XNDC1N: variants seen among roughly 807,000 people sequenced by gnomAD.
XNDC1N encodes protein XNDC1N.
At chr11:71,909,760 G>T in the XNDC1N span, among the ~76,000 whole-genome samples, 1 of 152,148 alleles carries the variant, frequency 6.6e-6, no homozygotes, top group East Asian at 1.9e-4. Context: ...AGGACATAAA[G>T]TCATTCATCA....
chr11:71,886,551 G>A, the XNDC1N span, among the ~76,000 whole-genome samples: 375 of 152,190 alleles, frequency 2.5e-3, 4 homozygotes, highest in African/African-American at 8.6e-3. Context: ...GGACATTCAG[G>A]GTAAAGAAGA....
chr11:71,910,577 G>T, the XNDC1N span, among the ~76,000 whole-genome samples: 1 of 152,198 alleles, frequency 6.6e-6, no homozygotes, highest in Non-Finnish European at 1.5e-5. Context: ...CGGCATTCGG[G>T]TGTGCCAAGG....
At chr11:71,868,296 T>C in the XNDC1N span, among the ~76,000 whole-genome samples, 1 of 152,244 alleles carries the variant, frequency 6.6e-6, no homozygotes, top group South Asian at 2.1e-4. Context: ...AGGTTAATAT[T>C]GCTATGTGTG....
At chr11:71,879,464 T>A in the XNDC1N span, among the ~76,000 whole-genome samples, 1 of 152,242 alleles carries the variant, frequency 6.6e-6, no homozygotes, top group Non-Finnish European at 1.5e-5. Flanking sequence ...CTGGTTGACT[T>A]ATTGATCATT....
chr11:71,915,213 C>T, the XNDC1N span, among the ~76,000 whole-genome samples: 1 of 152,040 alleles, frequency 6.6e-6, no homozygotes, highest in East Asian at 1.9e-4. Flanking sequence ...CTTTGGGAGG[C>T]CGAGACGGGA....
the XNDC1N span, among the ~76,000 whole-genome samples, chr11:71,876,995 C>A: frequency 6.6e-6 from 1 of 152,228 alleles, no homozygotes; most frequent in Non-Finnish European, 1.5e-5. Flanking sequence ...GAGGAAGGAA[C>A]TGAATGGAGG....
At chr11:71,868,465 G>T in the XNDC1N span, among the ~76,000 whole-genome samples, 1 of 152,108 alleles carries the variant, frequency 6.6e-6, no homozygotes, top group African/African-American at 2.4e-5. Context: ...TGCCCTTAAG[G>T]CATGTCTGAT....
the XNDC1N span, among the ~76,000 whole-genome samples, chr11:71,866,110 C>A: frequency 6.6e-6 from 1 of 150,674 alleles, no homozygotes; most frequent in Admixed American, 6.6e-5. Flanking sequence ...TGAATTATGT[C>A]TCTTTATCTG....
chr11:71,893,850 T>C, the XNDC1N span: 1 of 965,810 alleles, frequency 1.0e-6, no homozygotes. Flanking sequence ...TAGCCATCTG[T>C]TGCCCTCTGC....
chr11:71,890,745 T>C, the XNDC1N span, among the ~76,000 whole-genome samples: 1,351 of 144,966 alleles, frequency 9.3e-3, no homozygotes, highest in African/African-American at 0.037. Context: ...AAGAACAATA[T>C]CGTAGGGGTG....
chr11:71,903,620 TC>T, the XNDC1N span: 1 of 582,694 alleles, frequency 1.7e-6, no homozygotes, highest in Non-Finnish European at 3.1e-6. Flanking sequence ...TTCTGTGGCT[TC>T]CTAGATTTGT....
At chr11:71,885,727 GATATTA>G in the XNDC1N span, among the ~76,000 whole-genome samples, 7 of 151,016 alleles carry the variant, frequency 4.6e-5, no homozygotes, top group South Asian at 4.2e-4. Flanking sequence ...ATGAATGACC[GATATTA>G]ATATTAATAT....
the XNDC1N span, among the ~76,000 whole-genome samples, chr11:71,915,082 A>T: frequency 6.6e-6 from 1 of 152,192 alleles, no homozygotes; most frequent in Non-Finnish European, 1.5e-5. Flanking sequence ...AGCCAGCCCA[A>T]CCTTCAGCAA....
the XNDC1N span, among the ~76,000 whole-genome samples, chr11:71,911,449 G>A: frequency 2.0e-5 from 3 of 152,216 alleles, no homozygotes. Context: ...ACTATATGTG[G>A]ATGGGAGCAG....
the XNDC1N span, among the ~76,000 whole-genome samples, chr11:71,891,725 CA>C: frequency 2.6e-5 from 4 of 151,576 alleles, no homozygotes; most frequent in Non-Finnish European, 4.4e-5. Flanking sequence ...GGCACAAAAA[CA>C]AAAAAGGGTG....
chr11:71,882,863 C>T, the XNDC1N span, among the ~76,000 whole-genome samples: 2 of 152,028 alleles, frequency 1.3e-5, no homozygotes, highest in African/African-American at 4.8e-5. Context: ...AACTTCACTC[C>T]CCCAAAATTA....
At chr11:71,867,608 T>G in the XNDC1N span, among the ~76,000 whole-genome samples, 1 of 152,262 alleles carries the variant, frequency 6.6e-6, no homozygotes, top group Admixed American at 6.5e-5. Context: ...TTTTAGTGAT[T>G]TTCCTAATAT....
At chr11:71,906,833 G>C in the XNDC1N span, among the ~76,000 whole-genome samples, 1 of 152,100 alleles carries the variant, frequency 6.6e-6, no homozygotes, top group East Asian at 1.9e-4. Context: ...GGCATTAAAA[G>C]AAACATTTCC....
chr11:71,897,146 C>T, the XNDC1N span, among the ~76,000 whole-genome samples: 38 of 152,282 alleles, frequency 2.5e-4, no homozygotes, highest in East Asian at 5.4e-3. Flanking sequence ...ACATTGGCCA[C>T]GCTTTCATGA....
Sources: gnomAD v4.1 joint callset for allele counts (sites outside exome capture counted in the v4.1 genomes callset) on GRCh38, gnomAD v4.1.1 for gene constraint, MANE v1.5 for transcripts, NCBI Gene and HGNC (gene_info 2026-07-23, HGNC 2026-07-21) for gene names.